PHKB: variants seen among roughly 807,000 people sequenced by gnomAD.
The protein encoded by PHKB is phosphorylase b kinase regulatory subunit beta.
Under a neutral mutation model 152.1 loss-of-function variants are expected in PHKB, and 122 were observed. The observed-to-expected ratio is 0.80, with a 90% CI of 0.69 to 0.93. The LOEUF (loss-of-function observed/expected upper bound fraction) is 0.93, where lower values mean the gene tolerates loss of function less well. Among genes scored for constraint, PHKB ranks in the 40% least tolerant of loss-of-function variants. PHKB has a pLI of 0.00. For synonymous variants in PHKB, 436 were observed against 464.9 expected, an observed-to-expected ratio of 0.94 and a Z score of 0.80; for missense variants, 1,304 against 1,328.4, an observed-to-expected ratio of 0.98 and a Z score of 0.29.
chr16:47,552,734 T>C (rs927904474), intron 7 of PHKB, among the ~76,000 whole-genome samples: 2 of 151,456 alleles, frequency 1.3e-5, no homozygotes, highest in Non-Finnish European at 2.9e-5. Flanking sequence ...CTTGAACCCA[T>C]TGAAATCAAG....
rs182578518 is a variant in PHKB at position 47,677,919 on chromosome 16, C to A, written c.2630+8502C>A. ...TATCTCCTAATGCTATCCCTCCCCC[C>A]TCCCCCGACCCCACAACAGTCCCCG... On this transcript the variant is annotated intron_variant, in intron 26 of 30. Coordinates refer to ENST00000323584, the MANE Select transcript of PHKB (RefSeq NM_000293.3). Among the ~76,000 whole-genome samples the A allele has an allele frequency of 3.1e-5, 4 of 130,054 alleles. 1 individual carries two copies. The highest frequency in any genetic ancestry group is 4.9e-5 in the Non-Finnish European group (3 of 61,458). The allele number at this position is 130,054 out of a possible 152,430, so 85.3% of individuals were successfully genotyped here. A position where few individuals can be genotyped will look rare whatever the true frequency, so the allele number is the denominator to read the frequency against.
intron 26 of PHKB, among the ~76,000 whole-genome samples, chr16:47,676,988 C>A (rs948421476): frequency 6.6e-6 from 1 of 152,226 alleles, no homozygotes; most frequent in Non-Finnish European, 1.5e-5. Flanking sequence ...CCAGACGTAC[C>A]TTGTCCTCTG....
chr16:47,565,787 T>A, intron 7 of PHKB: 2 of 1,490,272 alleles, frequency 1.3e-6, no homozygotes, highest in Non-Finnish European at 1.9e-6. Flanking sequence ...GTTCTACTTC[T>A]CTTTCTCTAG....
intron 14 of PHKB, among the ~76,000 whole-genome samples, chr16:47,638,010 C>T (rs1361048977): frequency 6.6e-6 from 1 of 152,016 alleles, no homozygotes; most frequent in Non-Finnish European, 1.5e-5. Flanking sequence ...GGGTTCCGCC[C>T]TCATGACCTA....
rs1974212399 is a variant in PHKB at position 47,699,518 on chromosome 16, T to G, written c.*152T>G. The G allele has an allele frequency of 9.6e-6, 8 of 832,412 alleles. No homozygotes were observed. The Admixed American group carries it at 1.1e-4, about 11-fold the overall frequency. 51.6% of individuals were successfully genotyped at this position (832,412 alleles called of 1,614,324 possible). ...TTGGCGGGGTTATGGACCTCTTGCATGTCATAGCCAATCTAACGGTAATGG... is the reference window on the plus strand; with the variant it reads ...TTGGCGGGGTTATGGACCTCTTGCAGGTCATAGCCAATCTAACGGTAATGG... On this transcript the variant is annotated 3_prime_UTR_variant, in exon 31 of 31. Coordinates refer to ENST00000323584, the MANE Select transcript of PHKB (RefSeq NM_000293.3).
chr16:47,572,969 C>T (rs1412247582), intron 7 of PHKB, among the ~76,000 whole-genome samples: 2 of 152,150 alleles, frequency 1.3e-5, no homozygotes, highest in Non-Finnish European at 2.9e-5. Flanking sequence ...AGGTCCTTTC[C>T]CTTTCTGCCT....
intron 17 of PHKB, among the ~76,000 whole-genome samples, chr16:47,648,889 A>T (rs1424464764): frequency 1.3e-5 from 2 of 152,196 alleles, no homozygotes. Context: ...TTTCCATCAT[A>T]TTAGAGGTAG....
chr16:47,559,164 C>T (rs1439258622), intron 7 of PHKB, among the ~76,000 whole-genome samples: 2 of 152,106 alleles, frequency 1.3e-5, no homozygotes, highest in African/African-American at 4.8e-5. Flanking sequence ...AGGAAGAAAG[C>T]AAGTTAACAA....
chr16:47,632,536 C>T (rs922374546), intron 14 of PHKB, among the ~76,000 whole-genome samples: 58 of 152,036 alleles, frequency 3.8e-4, no homozygotes, highest in African/African-American at 1.3e-3. Context: ...CTGTTGTAGG[C>T]ATGAGGAAAT....
At chr16:47,684,983 T>C (rs1297954665) in intron 26 of PHKB, among the ~76,000 whole-genome samples, 2 of 152,242 alleles carry the variant, frequency 1.3e-5, no homozygotes, top group Non-Finnish European at 2.9e-5. Flanking sequence ...CTCTGGCTCT[T>C]ACACAGACTG....
intron 7 of PHKB, among the ~76,000 whole-genome samples, chr16:47,564,251 T>G (rs1971526493): frequency 6.6e-6 from 1 of 152,096 alleles, no homozygotes; most frequent in Non-Finnish European, 1.5e-5. Context: ...GAAATTTCCA[T>G]ACTGTCTTTC....
At chr16:47,657,439 G>T (rs1396054316) in intron 20 of PHKB, among the ~76,000 whole-genome samples, 1 of 152,164 alleles carries the variant, frequency 6.6e-6, no homozygotes, top group Non-Finnish European at 1.5e-5. Flanking sequence ...TCTTAGGTAG[G>T]ATGGTCTGTT....
intron 7 of PHKB, among the ~76,000 whole-genome samples, chr16:47,576,521 G>C (rs918430272): frequency 6.6e-6 from 1 of 152,140 alleles, no homozygotes; most frequent in Non-Finnish European, 1.5e-5. Flanking sequence ...CTGGTTTTCT[G>C]TCTAGTTGTT....
intron 8 of PHKB, among the ~76,000 whole-genome samples, chr16:47,581,675 G>C (rs1303340929): frequency 6.6e-6 from 1 of 151,922 alleles, no homozygotes; most frequent in Non-Finnish European, 1.5e-5. Context: ...TGTTGCTATT[G>C]TTTTTTTTAT....
At chr16:47,491,822 G>GT (rs1970155665) in intron 1 of PHKB, among the ~76,000 whole-genome samples, 1 of 152,282 alleles carries the variant, frequency 6.6e-6, no homozygotes, top group African/African-American at 2.4e-5. Flanking sequence ...GAAAACAGAG[G>GT]TTTTTTGCAA....
At chr16:47,544,918 C>T (rs1279207697) in intron 6 of PHKB, among the ~76,000 whole-genome samples, 1 of 152,102 alleles carries the variant, frequency 6.6e-6, no homozygotes, top group East Asian at 1.9e-4. Context: ...ATTGCAACCC[C>T]TGCTTTTTTT....
intron 14 of PHKB, among the ~76,000 whole-genome samples, chr16:47,634,400 T>C (rs538580489): frequency 2.6e-5 from 4 of 152,258 alleles, no homozygotes; most frequent in Admixed American, 6.5e-5. Flanking sequence ...GGATGCCTAC[T>C]ATGTTCCATG....
intron 1 of PHKB, among the ~76,000 whole-genome samples, chr16:47,487,088 A>G (rs1396756462): frequency 6.6e-6 from 1 of 152,200 alleles, no homozygotes; most frequent in Non-Finnish European, 1.5e-5. Context: ...TCCCTGGGGT[A>G]AGATTCTATT....
In PHKB at chr16:47,547,324, T is replaced by C. The variant is rs1226833684; in HGVS notation, c.595-109T>C. ...GTCTCAAACTCCCAACCTCATGTAA[T>C]CCCTCCCCTCAGCCTCCCAAATTGC... On this transcript the variant is annotated intron_variant, in intron 6 of 30. Transcript: ENST00000323584. The C allele has an allele frequency of 4.2e-6, 3 of 708,368 alleles. No homozygotes were observed. In the East Asian group the frequency reaches 8.1e-5, roughly 19 times the overall value. 43.9% of individuals were successfully genotyped at this position (708,368 alleles called of 1,614,324 possible). A position where few individuals can be genotyped will look rare whatever the true frequency, so the allele number is the denominator to read the frequency against.
Sources: allele counts gnomAD v4.1 joint callset (sites outside exome capture counted in the v4.1 genomes callset), GRCh38; gene constraint gnomAD v4.1.1; transcripts MANE v1.5; gene names NCBI Gene and HGNC (gene_info 2026-07-23, HGNC 2026-07-21).